The following CORIN variants were observed in gnomAD, a reference collection of about 807,000 sequenced individuals.
CORIN encodes the protein corin, serine peptidase.
A neutral mutation model predicts 125.3 loss-of-function variants in CORIN; 117 were observed. The observed-to-expected ratio is 0.93, with a 90% CI of 0.80 to 1.09. CORIN has a LOEUF of 1.09. CORIN is among the 50% of genes least tolerant of loss of function. CORIN has a pLI of 0.00. For missense variants in CORIN, 1,253 were observed against 1,306.7 expected (o/e 0.96, Z 0.63); for synonymous variants, 450 against 466.4 (o/e 0.96, Z 0.45).
At chr4:47,835,887 A>G (rs1442162012) in intron 1 of CORIN, among the ~76,000 whole-genome samples, 8 of 152,310 alleles carry the variant, frequency 5.3e-5, no homozygotes, top group East Asian at 1.9e-4. Context: ...TGTGCTTGAT[A>G]AGGTTAATAG....
At chr4:47,610,285 A>G (rs1284086581) in intron 19 of CORIN, among the ~76,000 whole-genome samples, 1 of 152,178 alleles carries the variant, frequency 6.6e-6, no homozygotes. Context: ...TGGCTTTTTA[A>G]TAATTGCCAT....
chr4:47,607,726 A>G (rs1399396379), intron 19 of CORIN, among the ~76,000 whole-genome samples: 1 of 152,204 alleles, frequency 6.6e-6, no homozygotes, highest in Non-Finnish European at 1.5e-5. Context: ...TCTGGGTAGA[A>G]GCAAAAAGAA....
chr4:47,721,667 A>G (rs189015322), intron 5 of CORIN, among the ~76,000 whole-genome samples: 265 of 152,246 alleles, frequency 1.7e-3, no homozygotes, highest in Admixed American at 4.1e-3. Flanking sequence ...TGGGTGGGGG[A>G]TGCAAACACG....
chr4:47,660,770 G>C (rs995793169), intron 12 of CORIN, among the ~76,000 whole-genome samples: 1 of 152,236 alleles, frequency 6.6e-6, no homozygotes, highest in Non-Finnish European at 1.5e-5. Context: ...CAATTTAGAG[G>C]CTTCTCAAAA....
rs372736248 is a variant in CORIN at position 47,623,069 on chromosome 4, C to CCTCTCTCTCTCTCT, written c.2540+488_2540+501dup. The stretch of plus-strand genomic sequence containing the variant: ...GGAAACATAAAATGGCATAACATAA[C>CCTCTCTCTCTCTCT]CTCTCTCTCTCTCTCTCTCTCTCTC... On this transcript the variant is annotated intron_variant, in intron 19 of 21. Transcript: ENST00000273857. 2.9e-3 allele frequency among the ~76,000 whole-genome samples: 273 copies of CCTCTCTCTCTCTCT among 93,484 alleles called. 3 individuals are homozygous for CCTCTCTCTCTCTCT. The highest frequency in any genetic ancestry group is 8.0e-3 in the African/African-American group (143 of 17,820). The allele number at this position is 93,484 out of a possible 152,430, so 61.3% of individuals were successfully genotyped here.
chr4:47,739,480 T>C (rs1347337176), intron 5 of CORIN, among the ~76,000 whole-genome samples: 1 of 152,032 alleles, frequency 6.6e-6, no homozygotes, highest in African/African-American at 2.4e-5. Context: ...CAAATTATGA[T>C]ATTCCCAGAT....
chr4:47,796,143 TCTC>T (rs1731278944), intron 2 of CORIN, among the ~76,000 whole-genome samples: 1 of 151,826 alleles, frequency 6.6e-6, no homozygotes, highest in African/African-American at 2.4e-5. Context: ...GAAATCAGGA[TCTC>T]CTATCTGCAC....
chr4:47,790,009 G>A (rs557990122), intron 2 of CORIN, among the ~76,000 whole-genome samples: 16 of 152,178 alleles, frequency 1.1e-4, no homozygotes, highest in African/African-American at 3.4e-4. Flanking sequence ...GAGACAGAGC[G>A]AGACTCCGTC....
intron 19 of CORIN, among the ~76,000 whole-genome samples, chr4:47,616,123 A>G (rs1435239158): frequency 6.6e-6 from 1 of 152,206 alleles, no homozygotes; most frequent in African/African-American, 2.4e-5. Context: ...TCAAATGAAC[A>G]TCTTATCTTC....
chr4:47,806,730 A>G (rs1351821245), intron 2 of CORIN, among the ~76,000 whole-genome samples, 173 bp downstream of exon 2: 4 of 152,230 alleles, frequency 2.6e-5, no homozygotes, highest in Non-Finnish European at 1.5e-5. Context: ...AATAATAATA[A>G]CCAGTAGAGT....
chr4:47,616,923 T>C (rs1377693646), intron 19 of CORIN, among the ~76,000 whole-genome samples: 6 of 152,108 alleles, frequency 3.9e-5, no homozygotes, highest in Non-Finnish European at 7.3e-5. Context: ...AGGAGTAAAG[T>C]CTTTGAAAAG....
Position 47,757,878 on chromosome 4 carries a change from GTATATATA to G in CORIN, c.617+5493_617+5500del, listed in dbSNP as rs59621469. 3.8e-3 allele frequency among the ~76,000 whole-genome samples: 466 copies of G among 123,908 alleles called. 8 individuals carry two copies. The highest frequency in any genetic ancestry group is 0.013 in the African/African-American group (409 of 30,566). The allele number at this position is 123,908 out of a possible 152,430, so 81.3% of individuals were successfully genotyped here. A position where few individuals can be genotyped will look rare whatever the true frequency, so the allele number is the denominator to read the frequency against. ...TACACATATATATACATATATATAT[GTATATATA>G]TATATATATATATATATATACACAA... is the stretch of plus-strand genomic sequence containing the variant. On this transcript the variant is annotated intron_variant, in intron 4 of 21. Coordinates refer to ENST00000273857, the MANE Select transcript of CORIN (RefSeq NM_006587.4).
At chr4:47,786,469 A>G (rs530912899) in intron 3 of CORIN, among the ~76,000 whole-genome samples, 1 of 152,222 alleles carries the variant, frequency 6.6e-6, no homozygotes, top group Non-Finnish European at 1.5e-5. Flanking sequence ...TAAACCTGGG[A>G]GGCGGAGGTT....
chr4:47,786,998 T>C (rs1380473628), intron 2 of CORIN, 73 bp from the exon 3 acceptor site: 2 of 1,046,914 alleles, frequency 1.9e-6, no homozygotes, highest in African/African-American at 3.2e-5. Flanking sequence ...TTAAAAAACA[T>C]TAAGAAAACT....
intron 4 of CORIN, among the ~76,000 whole-genome samples, chr4:47,752,411 C>T (rs769833911): frequency 1.3e-5 from 2 of 152,154 alleles, no homozygotes; most frequent in Non-Finnish European, 2.9e-5. Flanking sequence ...GAATCACACG[C>T]AGAGGTGACT....
At chr4:47,814,293 A>G (rs771281722) in intron 1 of CORIN, among the ~76,000 whole-genome samples, 55 of 152,304 alleles carry the variant, frequency 3.6e-4, no homozygotes, top group Non-Finnish European at 6.9e-4. Context: ...AAATGCAGAC[A>G]CTGAGACTCT....
At chr4:47,629,942 G>GTAATT (rs970825307) in intron 16 of CORIN, among the ~76,000 whole-genome samples, 48 of 152,052 alleles carry the variant, frequency 3.2e-4, no homozygotes, top group Admixed American at 9.2e-4. Flanking sequence ...GGCAAAGCTG[G>GTAATT]TAATTTAATC....
chr4:47,606,146 T>A (rs1486150921), intron 19 of CORIN, among the ~76,000 whole-genome samples: 3 of 152,196 alleles, frequency 2.0e-5, no homozygotes, highest in African/African-American at 7.2e-5. Context: ...TCCCTGCCTA[T>A]ACAAACATTG....
intron 21 of CORIN, among the ~76,000 whole-genome samples, chr4:47,599,249 C>T (rs1349954094): frequency 6.6e-6 from 1 of 152,054 alleles, no homozygotes. Context: ...GTGGTCTCAG[C>T]GAAATGCCAA....
Sources: gnomAD v4.1 joint callset for allele counts (sites outside exome capture counted in the v4.1 genomes callset) on GRCh38, gnomAD v4.1.1 for gene constraint, MANE v1.5 for transcripts, NCBI Gene and HGNC (gene_info 2026-07-23, HGNC 2026-07-21) for gene names.